The following RELN variants were observed in gnomAD, a reference collection of about 807,000 sequenced individuals.
The protein encoded by RELN is reelin.
A neutral mutation model predicts 427.6 loss-of-function variants in RELN; 108 were observed. The observed-to-expected ratio is 0.25, with a 90% CI of 0.22 to 0.30. The LOEUF (loss-of-function observed/expected upper bound fraction) is 0.30, where lower values mean the gene tolerates loss of function less well. RELN is among the 10% of genes least tolerant of loss of function. RELN has a pLI of 1.00. For synonymous variants in RELN, 1,524 were observed against 1,513.4 expected, an observed-to-expected ratio of 1.01 and a Z score of -0.16; for missense variants, 3,715 against 4,302.8, an observed-to-expected ratio of 0.86 and a Z score of 3.82.
chr7:103,599,258 C>A (rs1043732043), intron 24 of RELN, among the ~76,000 whole-genome samples: 3 of 150,322 alleles, frequency 2.0e-5, no homozygotes, highest in Middle Eastern at 3.4e-3. Flanking sequence ...CTTTTTTTTT[C>A]ATTCATTTAT....
At chr7:103,605,652 A>G (rs886926919) in intron 22 of RELN, among the ~76,000 whole-genome samples, 3 of 152,232 alleles carry the variant, frequency 2.0e-5, no homozygotes, top group African/African-American at 7.2e-5. Context: ...ATTACTGTGT[A>G]TGCTCAGTTC....
chr7:103,618,840 T>A (rs748216835), intron 20 of RELN, among the ~76,000 whole-genome samples: 1 of 151,998 alleles, frequency 6.6e-6, no homozygotes, highest in Non-Finnish European at 1.5e-5. Context: ...TGGCAGGGTG[T>A]GGTGGCTCAC....
intron 2 of RELN, among the ~76,000 whole-genome samples, chr7:103,873,008 T>A (rs1313357904): frequency 6.6e-6 from 1 of 152,002 alleles, no homozygotes; most frequent in Non-Finnish European, 1.5e-5. Context: ...AAACTATCTC[T>A]CAGACCACAG....
At chr7:103,937,939 C>T (rs984007350) in intron 1 of RELN, among the ~76,000 whole-genome samples, 1 of 152,290 alleles carries the variant, frequency 6.6e-6, no homozygotes, top group Admixed American at 6.5e-5. Flanking sequence ...AGATCTTTCA[C>T]CCCATCCCCA....
intron 2 of RELN, among the ~76,000 whole-genome samples, chr7:103,841,708 A>G (rs1294128489): frequency 6.6e-6 from 1 of 152,164 alleles, no homozygotes; most frequent in African/African-American, 2.4e-5. Context: ...CCCCATCTCT[A>G]CAAGAAAATG....
intron 7 of RELN, among the ~76,000 whole-genome samples, chr7:103,723,689 T>C (rs1332559506): frequency 6.6e-6 from 1 of 152,152 alleles, no homozygotes; most frequent in Non-Finnish European, 1.5e-5. Flanking sequence ...GCTTTCTTTG[T>C]GGAGGGGTGT....
At chr7:103,698,429 A>T (rs1446767426) in intron 9 of RELN, among the ~76,000 whole-genome samples, 2 of 152,216 alleles carry the variant, frequency 1.3e-5, no homozygotes. Flanking sequence ...TACAAATCAC[A>T]AAGTATATCC....
chr7:103,888,546 G>A (rs1794775197), intron 2 of RELN, among the ~76,000 whole-genome samples: 1 of 152,114 alleles, frequency 6.6e-6, no homozygotes, highest in Non-Finnish European at 1.5e-5. Flanking sequence ...ATTTAACAAG[G>A]TTTCTAAGGA....
chr7:103,558,209 G>C (rs569506247), intron 36 of RELN, among the ~76,000 whole-genome samples, 160 bp from the exon 37 acceptor site: 43 of 152,234 alleles, frequency 2.8e-4, no homozygotes, highest in African/African-American at 1.0e-3. Context: ...GATGATCCTT[G>C]TTTCCCCTCT....
At chr7:103,975,404 T>C (rs1025845182) in intron 1 of RELN, among the ~76,000 whole-genome samples, 3 of 152,128 alleles carry the variant, frequency 2.0e-5, no homozygotes, top group East Asian at 1.9e-4. Flanking sequence ...TTTATACTGA[T>C]AGAGCACACA....
At chr7:103,830,052 GT>G (rs1793238711) in intron 3 of RELN, among the ~76,000 whole-genome samples, 1 of 151,632 alleles carries the variant, frequency 6.6e-6, no homozygotes, top group African/African-American at 2.4e-5. Flanking sequence ...GTTGTAAGAC[GT>G]TAAAAAATAA....
chr7:103,936,543 T>C (rs1200746332), intron 1 of RELN, among the ~76,000 whole-genome samples: 1 of 152,144 alleles, frequency 6.6e-6, no homozygotes, highest in African/African-American at 2.4e-5. Context: ...TATTTATTCC[T>C]TGGATATAAG....
rs140533954 is a variant in RELN, at chr7:103,557,881, G to A, written c.5614+84C>T. ...GCCCTTCCATACAACAAAACTTATGGGCCTTAAATCCGTGATTTCTTTGTG... is the reference window on the plus strand; with the variant it reads ...GCCCTTCCATACAACAAAACTTATGAGCCTTAAATCCGTGATTTCTTTGTG... On this transcript the variant is annotated intron_variant, in intron 37 of 64. Transcript: ENST00000428762. 2.2e-4 allele frequency: 162 copies of A among 727,984 alleles called. No homozygotes were observed. In the African/African-American group the frequency reaches 2.3e-3, roughly 10 times the overall value. The allele number at this position is 727,984 out of a possible 1,614,324, so 45.1% of individuals were successfully genotyped here.
chr7:103,793,713 G>T (rs550057782), intron 3 of RELN, among the ~76,000 whole-genome samples: 5 of 152,290 alleles, frequency 3.3e-5, no homozygotes, highest in Admixed American at 1.3e-4. Context: ...GATGGGAAAG[G>T]ACAGTCAGAG....
chr7:103,781,409 T>C (rs1471632070), intron 3 of RELN, among the ~76,000 whole-genome samples: 2 of 152,202 alleles, frequency 1.3e-5, no homozygotes, highest in Non-Finnish European at 2.9e-5. Flanking sequence ...ATTAAGTCTC[T>C]AGAGGTTGGG....
At chr7:103,559,921 G>A (rs1252350349) in intron 36 of RELN, among the ~76,000 whole-genome samples, 2 of 152,206 alleles carry the variant, frequency 1.3e-5, no homozygotes, top group African/African-American at 4.8e-5. Flanking sequence ...ATTATGGAAT[G>A]CAAGTATAAA....
intron 15 of RELN, 93 bp downstream of exon 15, chr7:103,651,568 T>C (rs1312486268): frequency 1.6e-6 from 2 of 1,282,632 alleles, no homozygotes; most frequent in African/African-American, 1.5e-5. Context: ...TCTTACCTAT[T>C]ATGACAAAAA....
intron 1 of RELN, among the ~76,000 whole-genome samples, chr7:103,937,577 T>C (rs1289452748): frequency 1.3e-5 from 2 of 152,208 alleles, no homozygotes; most frequent in Non-Finnish European, 2.9e-5. Context: ...GAGAAACATT[T>C]ATGAAATGAT....
At chr7:103,601,186 A>G (rs362635) in intron 24 of RELN, among the ~76,000 whole-genome samples, 106,492 of 151,952 alleles carry the variant, frequency 0.7, 38,074 homozygotes, top group African/African-American at 0.83. Context: ...AAGAGTCACA[A>G]TCTTACTTTA....
Sources: gnomAD v4.1 joint callset for allele counts (sites outside exome capture counted in the v4.1 genomes callset) on GRCh38, gnomAD v4.1.1 for gene constraint, MANE v1.5 for transcripts, NCBI Gene and HGNC (gene_info 2026-07-23, HGNC 2026-07-21) for gene names.